The following OTUD7A variants were observed in gnomAD, a reference collection of about 807,000 sequenced individuals.
OTUD7A encodes the protein OTU deubiquitinase 7A.
In OTUD7A, 12 loss-of-function variants were observed where a neutral mutation model predicts 65.7. The ratio of observed to expected loss-of-function variants is 0.18; its 90% CI spans 0.12 to 0.30. OTUD7A has a LOEUF of 0.30. Ranked by LOEUF, OTUD7A falls within the 10% of genes least tolerant of loss-of-function variation. The pLI is 1.00. For missense variants in OTUD7A, 1,148 were observed against 1,304.8 expected (o/e 0.88, Z 1.85); for synonymous variants, 641 against 586.3 (o/e 1.09, Z -1.35).
At chr15:31,826,900 A>G (rs1896810156) in intron 1 of OTUD7A, among the ~76,000 whole-genome samples, 1 of 152,182 alleles carries the variant, frequency 6.6e-6, no homozygotes, top group African/African-American at 2.4e-5. Context: ...TTCAGTTCTC[A>G]ACAAGTTCCT....
rs117841561 is a variant in OTUD7A, at chr15:31,736,555, T to A, written c.-99-79478A>T. Among the ~76,000 whole-genome samples the A allele has an allele frequency of 9.0e-3, 1,374 of 152,238 alleles. 12 individuals carry two copies. The highest frequency in any genetic ancestry group is 0.024 in the Middle Eastern group (7 of 294). On this transcript the variant is annotated intron_variant, in intron 1 of 12. Coordinates refer to ENST00000307050, the MANE Select transcript of OTUD7A (RefSeq NM_001382637.1). ...AGAAAAGAATGACAGGGAGGGAGTG[T>A]ACGCCTCACACTGAAGCTGTGCCGA...
chr15:31,483,584 G>A lies in OTUD7A; in HGVS notation c.2512C>T (p.Pro838Ser), dbSNP rs1490207293. The A allele has an allele frequency of 2.4e-6, 3 of 1,242,442 alleles. No homozygotes were observed. Among genetic ancestry groups the A allele is most frequent in the African/African-American group, 1.6e-5 (1 of 62,606 alleles). The allele number at this position is 1,242,442 out of a possible 1,614,324, so 77.0% of individuals were successfully genotyped here. A position where few individuals can be genotyped will look rare whatever the true frequency, so the allele number is the denominator to read the frequency against. ...NTVESLARAV[P>S]GALPGAAGTA... ...CCCGCCGCGCCCGGTAGGGCCCCGG[G>A]CACCGCGCGCGCCAGCGACTCGACC... is the stretch of plus-strand genomic sequence containing the variant. Residue 838 changes from proline to serine, a missense_variant, in exon 13 of 13, where the codon CCC becomes TCC. By Grantham distance (74) the Pro-to-Ser change is moderately conservative. This residue lies in a region of OTUD7A where 842 missense variants were observed against 769.5 expected (regional missense o/e 1.09). Coordinates refer to ENST00000307050, the MANE Select transcript of OTUD7A (RefSeq NM_001382637.1).
rs2041452539 is a variant in OTUD7A, at chr15:31,500,532, A to G, written c.1171+1158T>C. ...CTCCACAGCCCCAGCCTCATTCCCG[A>G]CTCAACTGCCAGGCCAGGAAGTGAC... On this transcript the variant is annotated intron_variant, in intron 10 of 12. Coordinates refer to ENST00000307050, the MANE Select transcript of OTUD7A (RefSeq NM_001382637.1). Among the ~76,000 whole-genome samples the G allele has an allele frequency of 2.0e-5, 3 of 152,114 alleles. No individual in the cohort carries two copies. The South Asian group carries it at 6.2e-4, about 32-fold the overall frequency.
At chr15:31,774,238 T>C (rs1339839298) in intron 1 of OTUD7A, among the ~76,000 whole-genome samples, 1 of 152,206 alleles carries the variant, frequency 6.6e-6, no homozygotes, top group Non-Finnish European at 1.5e-5. Context: ...AGCAAGGTGC[T>C]CTCTGCAGCC....
At chr15:31,677,044 AG>A (rs1892609964) in intron 1 of OTUD7A, among the ~76,000 whole-genome samples, 2 of 152,232 alleles carry the variant, frequency 1.3e-5, no homozygotes, top group Non-Finnish European at 2.9e-5. Flanking sequence ...AGGCCAAGCA[AG>A]GTGTGGCCAC....
chr15:31,528,010 A>AATCCATCC (rs2042037053), intron 6 of OTUD7A, among the ~76,000 whole-genome samples: 1 of 152,214 alleles, frequency 6.6e-6, no homozygotes, highest in Non-Finnish European at 1.5e-5. Flanking sequence ...AACACAGGGG[A>AATCCATCC]ATCCATCCAT....
At chr15:31,798,454 G>T (rs1595777056) in intron 1 of OTUD7A, among the ~76,000 whole-genome samples, 1 of 152,146 alleles carries the variant, frequency 6.6e-6, no homozygotes, top group African/African-American at 2.4e-5. Flanking sequence ...CATGCTCATG[G>T]ACAGAGGCAT....
rs147400396 is a variant in OTUD7A, at chr15:31,479,668, G to C, written c.*3626C>G. 2.7e-5 allele frequency: 4 copies of C among 147,014 alleles called. 1 individual carries two copies. Among genetic ancestry groups the C allele is most frequent in the South Asian group, 4.3e-4 (2 of 4,618 alleles). 9.1% of individuals were successfully genotyped at this position (147,014 alleles called of 1,614,324 possible). ...AAGTTTGTGGACACTAAGTGGGGGG[G>C]GGGGGTGATGGGCCCATGACCCCTC... On this transcript the variant is annotated 3_prime_UTR_variant, in exon 13 of 13. Transcript: ENST00000307050.
At chr15:31,733,418 C>T (rs1894102105) in intron 1 of OTUD7A, among the ~76,000 whole-genome samples, 1 of 152,184 alleles carries the variant, frequency 6.6e-6, no homozygotes, top group Non-Finnish European at 1.5e-5. Flanking sequence ...CCTGGGTGTT[C>T]TTTCCACCCT....
At chr15:31,646,400 C>CTCTCTT (rs1199925773) in intron 3 of OTUD7A, among the ~76,000 whole-genome samples, 4 of 151,868 alleles carry the variant, frequency 2.6e-5, no homozygotes, top group Non-Finnish European at 5.9e-5. Flanking sequence ...GTCTTTCTTT[C>CTCTCTT]TCTCTTTCTC....
Position 31,768,657 on chromosome 15 carries a change from AG to A in OTUD7A, c.-100+101849del, listed in dbSNP as rs1326821694. On this transcript the variant is annotated intron_variant, in intron 1 of 12. Transcript: ENST00000307050. The stretch of plus-strand genomic sequence containing the variant: ...CTAGGTGACAGAGACCCCATCACAA[AG>A]AAAAAAAAAAAAAGTGATAACACTG... Among the ~76,000 whole-genome samples, 8 of 151,304 alleles carry A rather than the reference AG, an allele frequency of 5.3e-5. No homozygotes were observed. In the South Asian group the frequency reaches 1.0e-3, roughly 20 times the overall value.
chr15:31,741,737 C>G (rs1461274272), intron 1 of OTUD7A, among the ~76,000 whole-genome samples: 1 of 151,212 alleles, frequency 6.6e-6, no homozygotes, highest in African/African-American at 2.4e-5. Flanking sequence ...TAAAAAATAC[C>G]AAAAATTTAG....
At chr15:31,767,152 G>A (rs1247514424) in intron 1 of OTUD7A, 76 of 1,369,234 alleles carry the variant, frequency 5.6e-5, no homozygotes, top group South Asian at 3.7e-4. Flanking sequence ...CTGAGAAGGC[G>A]GCACTCAGTT....
intron 1 of OTUD7A, among the ~76,000 whole-genome samples, chr15:31,869,009 T>C (rs769518744): frequency 6.6e-6 from 1 of 152,228 alleles, no homozygotes; most frequent in African/African-American, 2.4e-5. Flanking sequence ...GTGTCATTAA[T>C]TATTAAATAC....
At chr15:31,630,916 C>T (rs2141249239) in intron 3 of OTUD7A, among the ~76,000 whole-genome samples, 1 of 151,782 alleles carries the variant, frequency 6.6e-6, no homozygotes, top group East Asian at 1.9e-4. Context: ...CAACCCCTGC[C>T]TTTTTTTGTT....
At chr15:31,848,038 T>C (rs1488329066) in intron 1 of OTUD7A, among the ~76,000 whole-genome samples, 3 of 152,030 alleles carry the variant, frequency 2.0e-5, no homozygotes, top group South Asian at 2.1e-4. Context: ...CCACATGAGA[T>C]TGGGGAGGGG....
At chr15:31,513,419 G>T (rs1202416997) in intron 8 of OTUD7A, among the ~76,000 whole-genome samples, 1 of 152,194 alleles carries the variant, frequency 6.6e-6, no homozygotes, top group Non-Finnish European at 1.5e-5. Flanking sequence ...GACCCCACGT[G>T]TGTGTGCCAG....
chr15:31,863,429 G>C (rs2141019414), intron 1 of OTUD7A, among the ~76,000 whole-genome samples: 1 of 152,316 alleles, frequency 6.6e-6, no homozygotes, highest in Middle Eastern at 3.4e-3. Context: ...GGGCATCCAG[G>C]CATTTCCATA....
intron 1 of OTUD7A, chr15:31,766,803 C>T (rs1895104288): frequency 1.2e-6 from 2 of 1,612,994 alleles, no homozygotes; most frequent in Middle Eastern, 1.7e-4. Context: ...CCTGTTTGGG[C>T]TTAGACTCTA....
Sources: gnomAD v4.1 joint callset for allele counts (sites outside exome capture counted in the v4.1 genomes callset) on GRCh38, gnomAD v4.1.1 for gene constraint, gnomAD v4.1.1 regional missense constraint, MANE v1.5 for transcripts, NCBI Gene and HGNC (gene_info 2026-07-23, HGNC 2026-07-21) for gene names.